The following FRMD4A variants were observed in gnomAD, a reference collection of about 807,000 sequenced individuals.
The protein encoded by FRMD4A is FERM domain-containing protein 4A.
Under a neutral mutation model 129.1 loss-of-function variants are expected in FRMD4A, and 29 were observed. The observed-to-expected ratio is 0.22, with a 90% CI of 0.17 to 0.31. The LOEUF is 0.31. Ranked by LOEUF, FRMD4A falls within the 10% of genes least tolerant of loss-of-function variation. FRMD4A has a pLI of 1.00. For synonymous variants in FRMD4A, 634 were observed against 571.6 expected, an observed-to-expected ratio of 1.11 and a Z score of -1.56; for missense variants, 1,272 against 1,375.8, an observed-to-expected ratio of 0.92 and a Z score of 1.19.
At chr10:13,658,836 C>T (rs1473184195) in intron 21 of FRMD4A, among the ~76,000 whole-genome samples, 1 of 147,802 alleles carries the variant, frequency 6.8e-6, no homozygotes, top group Non-Finnish European at 1.5e-5. Flanking sequence ...GAGCCAAGAT[C>T]GCGCCACTGT....
At position 14,090,701 on chromosome 10, in the gene FRMD4A, G is replaced by A. The variant is rs139727886; in HGVS notation, c.46-231789C>T. Reference sequence around the variant, plus strand: ...GTTTATTTCTAACTTTATGAACTGCGTCAAGTATACTTCCTAGCATGGGTT... The same window carrying A: ...GTTTATTTCTAACTTTATGAACTGCATCAAGTATACTTCCTAGCATGGGTT... On this transcript the variant is annotated intron_variant, in intron 2 of 24. Transcript: ENST00000357447. 1.0e-3 allele frequency among the ~76,000 whole-genome samples: 158 copies of A among 152,248 alleles called. 2 individuals carry two copies. In the East Asian group the frequency reaches 0.027, roughly 26 times the overall value.
chr10:13,966,027 G>T (rs1479691322), intron 2 of FRMD4A, among the ~76,000 whole-genome samples: 3 of 150,004 alleles, frequency 2.0e-5, no homozygotes, highest in East Asian at 1.9e-4. Flanking sequence ...TTTTTTTTTT[G>T]AGACAGAGTT....
chr10:14,242,814 A>G (rs1844095619), intron 2 of FRMD4A, among the ~76,000 whole-genome samples: 1 of 152,214 alleles, frequency 6.6e-6, no homozygotes, highest in Admixed American at 6.5e-5. Context: ...TTCACTGTGG[A>G]AAGGAGTATG....
At chr10:13,965,235 C>T (rs957150389) in intron 2 of FRMD4A, among the ~76,000 whole-genome samples, 6 of 152,116 alleles carry the variant, frequency 3.9e-5, no homozygotes, top group Non-Finnish European at 8.8e-5. Flanking sequence ...CCTTAAATGC[C>T]GACTCGCCCA....
At chr10:14,093,825 T>C (rs1836791152) in intron 2 of FRMD4A, among the ~76,000 whole-genome samples, 2 of 152,236 alleles carry the variant, frequency 1.3e-5, no homozygotes, top group Non-Finnish European at 2.9e-5. Context: ...CACAATTAGA[T>C]ATCCTAGAAT....
At chr10:13,764,082 T>C (rs2092182667) in intron 6 of FRMD4A, among the ~76,000 whole-genome samples, 1 of 152,150 alleles carries the variant, frequency 6.6e-6, no homozygotes, top group African/African-American at 2.4e-5. Context: ...AAACTGCATA[T>C]GTTTAATGTA....
At chr10:14,271,942 G>A (rs1845175737) in intron 2 of FRMD4A, among the ~76,000 whole-genome samples, 1 of 151,902 alleles carries the variant, frequency 6.6e-6, no homozygotes, top group Non-Finnish European at 1.5e-5. Context: ...CTCATAATTA[G>A]CTTACTCAGT....
intron 2 of FRMD4A, among the ~76,000 whole-genome samples, chr10:14,115,422 A>G (rs1320953877): frequency 1.3e-5 from 2 of 152,214 alleles, no homozygotes; most frequent in Non-Finnish European, 2.9e-5. Context: ...CTATACTATG[A>G]CTAGTCTTAG....
intron 2 of FRMD4A, among the ~76,000 whole-genome samples, chr10:14,183,604 G>C (rs1841980128): frequency 6.6e-6 from 1 of 150,674 alleles, no homozygotes; most frequent in African/African-American, 2.4e-5. Context: ...GAAAGTAATT[G>C]CTTGATTCAA....
At chr10:14,106,750 T>C (rs1344041321) in intron 2 of FRMD4A, among the ~76,000 whole-genome samples, 1 of 152,208 alleles carries the variant, frequency 6.6e-6, no homozygotes, top group Non-Finnish European at 1.5e-5. Context: ...TTCTGTCTTT[T>C]GGGATGTATA....
At chr10:13,959,087 C>T (rs1172385643) in intron 2 of FRMD4A, among the ~76,000 whole-genome samples, 1 of 152,170 alleles carries the variant, frequency 6.6e-6, no homozygotes, top group African/African-American at 2.4e-5. Context: ...GGATTCTCAG[C>T]AATGGGCACT....
chr10:14,090,054 A>G (rs1189080421), intron 2 of FRMD4A, among the ~76,000 whole-genome samples: 1 of 152,260 alleles, frequency 6.6e-6, no homozygotes. Flanking sequence ...ATGCTGAAAT[A>G]GTAAAACTCT....
chr10:13,995,100 C>T (rs1191377432), intron 2 of FRMD4A, among the ~76,000 whole-genome samples: 1 of 152,186 alleles, frequency 6.6e-6, no homozygotes, highest in African/African-American at 2.4e-5. Context: ...TTTTCTTGTA[C>T]TGCATGGGCC....
chr10:14,320,153 A>G (rs142074415), intron 2 of FRMD4A, among the ~76,000 whole-genome samples: 137 of 152,038 alleles, frequency 9.0e-4, no homozygotes, highest in African/African-American at 3.2e-3. Context: ...TGTCCCCAGC[A>G]CACCCTGCCT....
chr10:14,125,046 T>C (rs1341285472), intron 2 of FRMD4A, among the ~76,000 whole-genome samples: 1 of 152,146 alleles, frequency 6.6e-6, no homozygotes, highest in Non-Finnish European at 1.5e-5. Context: ...TAGCTTCCCC[T>C]TTACAAATGA....
chr10:13,817,667 C>G (rs1268132425), intron 3 of FRMD4A, among the ~76,000 whole-genome samples: 1 of 152,220 alleles, frequency 6.6e-6, no homozygotes, highest in Non-Finnish European at 1.5e-5. Context: ...CTCTTGCCTG[C>G]CGCCATGTAA....
chr10:13,693,619 G>C, intron 15 of FRMD4A: 1 of 728,878 alleles, frequency 1.4e-6, no homozygotes, highest in East Asian at 4.4e-5. Flanking sequence ...GAAACGCTCT[G>C]GGGGGTACCT....
chr10:14,008,978 T>C (rs1256406422), intron 2 of FRMD4A, among the ~76,000 whole-genome samples: 1 of 152,246 alleles, frequency 6.6e-6, no homozygotes, highest in East Asian at 1.9e-4. Flanking sequence ...AGGCTTGTGT[T>C]TGGCACCTTC....
intron 3 of FRMD4A, among the ~76,000 whole-genome samples, chr10:13,830,839 G>A (rs114594971): frequency 0.017 from 2,616 of 152,262 alleles, 106 homozygotes; most frequent in East Asian, 0.14. Context: ...ACCCAGGCAG[G>A]AGTTCAATGG....
Sources: allele counts gnomAD v4.1 joint callset (sites outside exome capture counted in the v4.1 genomes callset), GRCh38; gene constraint gnomAD v4.1.1; transcripts MANE v1.5; gene names NCBI Gene and HGNC (gene_info 2026-07-23, HGNC 2026-07-21).